Variants in NPHP4 observed in about 807,000 individuals in gnomAD.
NPHP4 encodes the protein nephrocystin-4.
In NPHP4, 151 loss-of-function variants were observed where a neutral mutation model predicts 155.8. The ratio of observed to expected loss-of-function variants is 0.97; its 90% CI spans 0.85 to 1.11. NPHP4 has a LOEUF of 1.11. NPHP4 is among the 50% of genes least tolerant of loss of function. NPHP4 has a pLI of 0.00. For missense variants in NPHP4, 1,956 were observed against 1,925.7 expected (o/e 1.02, Z -0.29); for synonymous variants, 845 against 816.8 (o/e 1.03, Z -0.59).
rs1254428927 is a variant in NPHP4, at chr1:5,880,507, C to A, written c.2486-268G>T. Reference sequence around the variant, plus strand: ...GTGACGAATGAAAGCGTGTGGCACTCACAGTTCGCTGCACATGGATTCTTA... The same window carrying A: ...GTGACGAATGAAAGCGTGTGGCACTAACAGTTCGCTGCACATGGATTCTTA... On this transcript the variant is annotated intron_variant, in intron 18 of 29. Coordinates refer to ENST00000378156, the MANE Select transcript of NPHP4 (RefSeq NM_015102.5). 6 of 452,418 alleles carry A rather than the reference C, an allele frequency of 1.3e-5. No homozygotes were observed. In the East Asian group the frequency reaches 2.4e-4, roughly 18 times the overall value. The allele number at this position is 452,418 out of a possible 1,614,324, so 28.0% of individuals were successfully genotyped here. A position where few individuals can be genotyped will look rare whatever the true frequency, so the allele number is the denominator to read the frequency against.
chr1:5,918,218 AG>A (rs1645570328), intron 11 of NPHP4, among the ~76,000 whole-genome samples: 2 of 152,214 alleles, frequency 1.3e-5, no homozygotes, highest in African/African-American at 4.8e-5. Context: ...ACCCTTAGGC[AG>A]GGCTTTACAG....
Position 5,924,764 on chromosome 1 carries a change from C to T in NPHP4, c.1441+2885G>A, listed in dbSNP as rs1645912283. On this transcript the variant is annotated intron_variant, in intron 11 of 29. Transcript: ENST00000378156. ...CCATCTCCCGGGCTCAACCAATCCT[C>T]TTGCCTTGGCCTCCTGAGTAGCGGG... Among the ~76,000 whole-genome samples the T allele has an allele frequency of 2.0e-5, 3 of 152,210 alleles. No individual in the cohort carries two copies. The South Asian group carries it at 6.2e-4, about 31-fold the overall frequency.
intron 6 of NPHP4, among the ~76,000 whole-genome samples, chr1:5,959,263 G>T (rs1441853644): frequency 6.6e-6 from 1 of 152,192 alleles, no homozygotes; most frequent in East Asian, 1.9e-4. Flanking sequence ...GCATTCGTTT[G>T]GCACCTTGGT....
chr1:5,894,977 T>A (rs899996315), intron 16 of NPHP4, among the ~76,000 whole-genome samples: 1 of 152,122 alleles, frequency 6.6e-6, no homozygotes, highest in African/African-American at 2.4e-5. Flanking sequence ...ATGTGGCACA[T>A]ACACCCCATG....
intron 18 of NPHP4, among the ~76,000 whole-genome samples, chr1:5,883,270 C>T (rs983369469): frequency 1.3e-5 from 2 of 152,150 alleles, no homozygotes; most frequent in African/African-American, 4.8e-5. Flanking sequence ...ACACTCCGGG[C>T]CACGCTGCCC....
chr1:5,874,473 G>A lies in NPHP4; in HGVS notation c.3229C>T (p.Gln1077Ter), dbSNP rs866124058. The stretch of plus-strand genomic sequence containing the variant: ...CCCTGTGTGCCTGACACCCGCACCT[G>A]CACCATGGCCAGCTGCCCTGCAGAG... ...SFSAGQLAMV[Q>*]ASPGLSNEKG... The change falls in exon 22 of 30, where the codon CAG becomes TAG. Residue 1077 changes from glutamine to a stop codon, truncating the protein, a stop_gained and splice_region_variant. Coordinates refer to ENST00000378156, the MANE Select transcript of NPHP4 (RefSeq NM_015102.5). LOFTEE classifies it high-confidence loss of function. The A allele has an allele frequency of 6.5e-7, 1 of 1,543,434 alleles. No individual in the cohort carries two copies. The highest frequency in any genetic ancestry group is 8.8e-7 in the Non-Finnish European group (1 of 1,141,800).
chr1:5,898,888 G>T lies in NPHP4; in HGVS notation c.2143+5729C>A, dbSNP rs112274147. On this transcript the variant is annotated intron_variant, in intron 16 of 29. Transcript: ENST00000378156. ...ACAACACACTAGAAAATGGGCAGGGGACCTGAACACATGCCTCATGAACGA... is the reference window on the plus strand; with the variant it reads ...ACAACACACTAGAAAATGGGCAGGGTACCTGAACACATGCCTCATGAACGA... 3.2e-3 allele frequency among the ~76,000 whole-genome samples: 494 copies of T among 152,200 alleles called. 3 individuals carry two copies. The highest frequency in any genetic ancestry group is 0.011 in the African/African-American group (466 of 41,528).
rs1205793319 is a variant in NPHP4, at chr1:5,904,730, G to A, written c.2030C>T (p.Pro677Leu). ...CAGCTGCAGTCGTGGCGTCGTTGCG[G>A]GTGGGAAGCGGTAGAACTGGAAGGT... ...YFTFQFYRFP[P>L]ATTPRLQLVQ... is the part of the protein sequence containing the mutation. Residue 677 changes from proline to leucine, a missense_variant, in exon 16 of 30, where the codon CCC (proline) becomes CTC (leucine). Pro to Leu is a moderately conservative substitution (Grantham distance 98). Transcript: ENST00000378156. The A allele has an allele frequency of 1.2e-6, 2 of 1,613,926 alleles. No individual in the cohort carries two copies. Among genetic ancestry groups the A allele is most frequent in the Non-Finnish European group, 8.5e-7 (1 of 1,179,904 alleles).
At chr1:5,920,257 T>C (rs1645675444) in intron 11 of NPHP4, among the ~76,000 whole-genome samples, 2 of 151,950 alleles carry the variant, frequency 1.3e-5, no homozygotes, top group South Asian at 2.1e-4. Context: ...GTCAGGGCCT[T>C]GCTATGTTAC....
chr1:5,877,166 T>A lies in NPHP4; in HGVS notation c.2744A>T (p.Lys915Met). Reference protein sequence around the residue: ...SRESDATRRRKLERMRSVRLQ... With the variant: ...SRESDATRRRMLERMRSVRLQ... ...GCGCACAGACCTCATCCGCTCCAGC[T>A]TACGCCTGCGGGTGGCATCCGACTC... is the stretch of plus-strand genomic sequence containing the variant. The change falls in exon 20 of 30, where the codon AAG (lysine) becomes ATG (methionine). Residue 915 changes from lysine to methionine, a missense_variant. Transcript: ENST00000378156. The A allele has an allele frequency of 6.2e-7, 1 of 1,606,964 alleles. No individual in the cohort carries two copies. Among genetic ancestry groups the A allele is most frequent in the Middle Eastern group, 1.7e-4 (1 of 6,030 alleles).
chr1:5,925,905 G>A (rs770152646), intron 11 of NPHP4, among the ~76,000 whole-genome samples: 3 of 152,226 alleles, frequency 2.0e-5, no homozygotes, highest in Non-Finnish European at 2.9e-5. Context: ...GTGAGCCACC[G>A]TGCCTGGCCA....
Position 5,961,951 on chromosome 1 carries a change from T to C in NPHP4, c.518-2A>G, listed in dbSNP as rs761142233. On this transcript the variant is annotated splice_acceptor_variant, in intron 5 of 29. Coordinates refer to ENST00000378156, the MANE Select transcript of NPHP4 (RefSeq NM_015102.5). LOFTEE classifies it high-confidence loss of function. Reference sequence around the variant, plus strand: ...CAATGAGGGTCATGTGTCTGTTTTCTGGTGAAGAAAACACAATGTGATCAA... The same window carrying C: ...CAATGAGGGTCATGTGTCTGTTTTCCGGTGAAGAAAACACAATGTGATCAA... The C allele has an allele frequency of 1.6e-5, 26 of 1,592,718 alleles. No individual in the cohort carries two copies. Among genetic ancestry groups the C allele is most frequent in the Non-Finnish European group, 2.0e-5 (23 of 1,162,314 alleles).
intron 1 of NPHP4, among the ~76,000 whole-genome samples, chr1:5,986,607 G>C (rs1239352166): frequency 6.6e-6 from 1 of 152,192 alleles, no homozygotes; most frequent in Non-Finnish European, 1.5e-5. Flanking sequence ...ACTGTATCTA[G>C]GGTGATACAC....
At position 5,874,647 on chromosome 1, in the gene NPHP4, C is replaced by A. The variant is rs1301818768; in HGVS notation, c.3055G>T (p.Asp1019Tyr). ...TTGAAGTCCCTCCACTCCTGACTGT[C>A]CACGATGACGCTGGGGGAGGCAGTG... The part of the protein sequence containing the change: ...IDNPELSVIV[D>Y]SQEWRDFKGA... The change falls in exon 22 of 30, where the codon GAC (aspartate) becomes TAC (tyrosine). Residue 1019 changes from aspartate (D) to tyrosine (Y), a missense_variant. Physicochemically the swap from Asp to Tyr is radical, Grantham distance 160. Coordinates refer to ENST00000378156, the MANE Select transcript of NPHP4 (RefSeq NM_015102.5). 6.2e-7 allele frequency: 1 copy of A among 1,611,686 alleles called. No individual in the cohort carries two copies. The highest frequency in any genetic ancestry group is 8.5e-7 in the Non-Finnish European group (1 of 1,179,502).
intron 2 of NPHP4, among the ~76,000 whole-genome samples, chr1:5,982,107 CTTTT>C (rs1015140338): frequency 6.8e-6 from 1 of 147,208 alleles, no homozygotes; most frequent in East Asian, 2.0e-4. Context: ...TCTGTGTTTT[CTTTT>C]TTTTTTGTCT....
chr1:5,900,210 G>A (rs1482303731), intron 16 of NPHP4, among the ~76,000 whole-genome samples: 2 of 152,160 alleles, frequency 1.3e-5, no homozygotes, highest in Non-Finnish European at 2.9e-5. Context: ...ACACTCCTTG[G>A]TATTTACCTG....
chr1:5,874,369 T>C (rs1238568175), intron 22 of NPHP4, 102 bp downstream of exon 22: 4 of 1,168,494 alleles, frequency 3.4e-6, no homozygotes, highest in East Asian at 5.3e-5. Flanking sequence ...GGCTAGTCTG[T>C]CTGCACAGGT....
Position 5,874,883 on chromosome 1 carries a change from G to A in NPHP4, c.3035C>T (p.Pro1012Leu), listed in dbSNP as rs1642412043. Residue 1012 changes from proline (P) to leucine (L), a missense_variant, in exon 21 of 30, where the codon CCC becomes CTC. Pro to Leu is a moderately conservative substitution (Grantham distance 98). Transcript: ENST00000378156. The part of the protein sequence containing the change: ...QHTVTVEIDN[P>L]ELSVIVDSQE... ...ACCACTGAGACCTCACCTGAGCTCG[G>A]GGTTGTCGATCTCCACAGTCACCGT... 6.2e-7 allele frequency: 1 copy of A among 1,613,488 alleles called. No homozygotes were observed. The highest frequency in any genetic ancestry group is 1.3e-5 in the African/African-American group (1 of 74,908).
chr1:5,874,755 G>T, intron 21 of NPHP4, 98 bp from the exon 22 acceptor site: 1 of 1,516,900 alleles, frequency 6.6e-7, no homozygotes, highest in South Asian at 1.2e-5. Flanking sequence ...CAGAGGAGTG[G>T]GAGAGAGAAG....
Sources: allele counts gnomAD v4.1 joint callset (sites outside exome capture counted in the v4.1 genomes callset), GRCh38; gene constraint gnomAD v4.1.1; transcripts MANE v1.5; gene names NCBI Gene and HGNC (gene_info 2026-07-23, HGNC 2026-07-21).